STAMBPL1: variants seen among roughly 807,000 people sequenced by gnomAD.
The protein encoded by STAMBPL1 is AMSH-like protease.
STAMBPL1 carries 44 observed loss-of-function variants against 52.9 expected under a neutral mutation model. That is an observed-to-expected ratio of 0.83 (90% CI 0.65 to 1.07). The LOEUF (loss-of-function observed/expected upper bound fraction) is 1.07, where lower values mean the gene tolerates loss of function less well. STAMBPL1 is among the 50% of genes least tolerant of loss of function. The probability of loss-of-function intolerance (pLI) is 0.00; values close to 1 mark genes in which losing one functional copy is unlikely to be tolerated. For missense variants in STAMBPL1, 511 were observed against 520.8 expected (o/e 0.98, Z 0.18); for synonymous variants, 164 against 177.3 (o/e 0.92, Z 0.60).
intron 3 of STAMBPL1, among the ~76,000 whole-genome samples, chr10:88,907,493 A>G (rs1224633272): frequency 1.3e-5 from 2 of 152,148 alleles, no homozygotes; most frequent in Non-Finnish European, 2.9e-5. Context: ...TTTCTTTTTC[A>G]CCTTCTGCTC....
At chr10:88,903,395 G>A (rs982891763) in intron 2 of STAMBPL1, among the ~76,000 whole-genome samples, 2 of 152,118 alleles carry the variant, frequency 1.3e-5, no homozygotes, top group African/African-American at 4.8e-5. Flanking sequence ...TATGTGGCAG[G>A]GAATATGCTA....
chr10:88,901,755 G>T lies in STAMBPL1; in HGVS notation c.30+17G>T. 2 of 1,610,034 alleles carry T rather than the reference G, an allele frequency of 1.2e-6. No homozygotes were observed. The highest frequency in any genetic ancestry group is 1.1e-5 in the South Asian group (1 of 90,264). ...AATTCTCTGGTAGGTCACACCAGCT[G>T]ATATCTAACATTTGGTTGGAAAGCC... On this transcript the variant is annotated intron_variant, in intron 2 of 10. Transcript: ENST00000371926.
intron 1 of STAMBPL1, among the ~76,000 whole-genome samples, chr10:88,886,779 T>C (rs1012874840): frequency 6.6e-6 from 1 of 152,218 alleles, no homozygotes; most frequent in African/African-American, 2.4e-5. Flanking sequence ...CAGGCTCAGG[T>C]GCAGGTTCCC....
At chr10:88,921,199 A>AAAAAC in intron 8 of STAMBPL1, 84 bp from the exon 9 acceptor site, 1 of 1,132,542 alleles carries the variant, frequency 8.8e-7, no homozygotes, top group Non-Finnish European at 1.3e-6. Context: ...AAAACTAAAA[A>AAAAAC]AAAACAGAGT....
chr10:88,881,285 G>A (rs1018893973), intron 1 of STAMBPL1, among the ~76,000 whole-genome samples: 2 of 152,042 alleles, frequency 1.3e-5, no homozygotes. Context: ...CCACGCTGCT[G>A]ATACCCCCAG....
At chr10:88,902,621 G>A (rs546418420) in intron 2 of STAMBPL1, among the ~76,000 whole-genome samples, 4 of 151,996 alleles carry the variant, frequency 2.6e-5, no homozygotes, top group South Asian at 2.1e-4. Flanking sequence ...TCAGGCTGGA[G>A]TGCCAATGGC....
At chr10:88,895,771 T>G (rs1844796175) in intron 1 of STAMBPL1, among the ~76,000 whole-genome samples, 1 of 152,210 alleles carries the variant, frequency 6.6e-6, no homozygotes, top group African/African-American at 2.4e-5. Flanking sequence ...CCCCCAAACC[T>G]GAGCTCTTCG....
chr10:88,898,854 C>T (rs767540906), intron 1 of STAMBPL1, among the ~76,000 whole-genome samples: 4 of 152,188 alleles, frequency 2.6e-5, no homozygotes, highest in Admixed American at 6.5e-5. Flanking sequence ...TTTACATTTT[C>T]GGCCATCTTT....
At chr10:88,922,629 G>A (rs899043215) in intron 10 of STAMBPL1, among the ~76,000 whole-genome samples, 193 bp downstream of exon 10, 5 of 152,092 alleles carry the variant, frequency 3.3e-5, no homozygotes, top group African/African-American at 1.2e-4. Context: ...TATTTACAAG[G>A]AAACATCAGT....
In STAMBPL1 at chr10:88,923,447, C is replaced by T; in HGVS notation, c.*223C>T. On this transcript the variant is annotated 3_prime_UTR_variant, in exon 11 of 11. Transcript: ENST00000371926. Reference sequence around the variant, plus strand: ...TGTTAAATCGGTACCTGATAATGTACCCAAATACTATGGCCAGATAATAAA... The same window carrying T: ...TGTTAAATCGGTACCTGATAATGTATCCAAATACTATGGCCAGATAATAAA... 1 of 1,246,668 alleles carries T rather than the reference C, an allele frequency of 8.0e-7. No individual in the cohort carries two copies. Among genetic ancestry groups the T allele is most frequent in the African/African-American group, 1.6e-5 (1 of 64,186 alleles). The allele number at this position is 1,246,668 out of a possible 1,614,324, so 77.2% of individuals were successfully genotyped here. A position where few individuals can be genotyped will look rare whatever the true frequency, so the allele number is the denominator to read the frequency against.
At chr10:88,886,521 G>C (rs1844537328) in intron 1 of STAMBPL1, among the ~76,000 whole-genome samples, 1 of 151,904 alleles carries the variant, frequency 6.6e-6, no homozygotes, top group Non-Finnish European at 1.5e-5. Context: ...TAGTGAATTT[G>C]GCTTTTTTTT....
intron 4 of STAMBPL1, among the ~76,000 whole-genome samples, chr10:88,909,594 A>G (rs1359890325): frequency 6.6e-6 from 1 of 151,942 alleles, no homozygotes; most frequent in Non-Finnish European, 1.5e-5. Context: ...ATGGTCATCT[A>G]CATTATTTAT....
At chr10:88,913,521 A>G (rs548507554) in intron 6 of STAMBPL1, 63 bp downstream of exon 6, 2 of 1,363,120 alleles carry the variant, frequency 1.5e-6, no homozygotes, top group South Asian at 2.7e-5. Context: ...ATATTTCTAT[A>G]GCATCTGGGA....
chr10:88,915,306 A>G (rs1349379946), intron 7 of STAMBPL1, among the ~76,000 whole-genome samples: 2 of 152,180 alleles, frequency 1.3e-5, no homozygotes, highest in African/African-American at 4.8e-5. Context: ...ACCAGTTTAT[A>G]TATCTGGGTC....
intron 8 of STAMBPL1, among the ~76,000 whole-genome samples, chr10:88,920,036 A>G (rs1259016507): frequency 1.3e-5 from 2 of 151,914 alleles, no homozygotes; most frequent in Non-Finnish European, 2.9e-5. Flanking sequence ...TGTTTTGGAG[A>G]GATGGAGTCT....
At chr10:88,898,876 G>T (rs752799099) in intron 1 of STAMBPL1, among the ~76,000 whole-genome samples, 8 of 152,212 alleles carry the variant, frequency 5.3e-5, no homozygotes, top group Admixed American at 1.3e-4. Flanking sequence ...CAGCCAGGCT[G>T]CAGGCATGGG....
intron 1 of STAMBPL1, among the ~76,000 whole-genome samples, chr10:88,885,341 A>G (rs1471946930): frequency 6.6e-6 from 1 of 152,202 alleles, no homozygotes; most frequent in African/African-American, 2.4e-5. Flanking sequence ...TAGCCAGATT[A>G]TAACTGTTTC....
intron 6 of STAMBPL1, 142 bp from the exon 7 acceptor site, chr10:88,914,392 T>C: frequency 2.0e-6 from 1 of 494,182 alleles, no homozygotes; most frequent in Non-Finnish European, 3.2e-6. Flanking sequence ...CTAAGAGTTT[T>C]AAAATAAAAT....
intron 7 of STAMBPL1, 101 bp from the exon 8 acceptor site, chr10:88,916,579 C>T (rs573476510): frequency 4.8e-6 from 6 of 1,240,132 alleles, no homozygotes; most frequent in South Asian, 1.8e-5. Context: ...GACACACCCC[C>T]CTGCTGGGGG....
Sources: gnomAD v4.1 joint callset for allele counts (sites outside exome capture counted in the v4.1 genomes callset) on GRCh38, gnomAD v4.1.1 for gene constraint, MANE v1.5 for transcripts, NCBI Gene and HGNC (gene_info 2026-07-23, HGNC 2026-07-21) for gene names.